The following AGPAT3 variants were observed in gnomAD, a reference collection of about 807,000 sequenced individuals.
AGPAT3 encodes 1-acylglycerol-3-phosphate O-acyltransferase 3.
In AGPAT3, 5 loss-of-function variants were observed where a neutral mutation model predicts 47.3. The observed-to-expected ratio is 0.11, with a 90% CI of 0.06 to 0.22. The LOEUF is 0.22. Among genes scored for constraint, AGPAT3 ranks in the 10% least tolerant of loss-of-function variants. The pLI is 1.00. For synonymous variants in AGPAT3, 212 were observed against 208.3 expected (o/e 1.02, Z -0.15); for missense variants, 315 against 493.0 (o/e 0.64, Z 3.42).
intron 7 of AGPAT3, among the ~76,000 whole-genome samples, chr21:43,972,946 CAACT>C (rs913314721): frequency 5.3e-5 from 8 of 152,214 alleles, no homozygotes; most frequent in Non-Finnish European, 8.8e-5. Context: ...CAACCACCAC[CAACT>C]GAGTGTGCGT....
intron 1 of AGPAT3, among the ~76,000 whole-genome samples, chr21:43,901,774 A>G (rs2086363706): frequency 1.3e-5 from 2 of 152,122 alleles, no homozygotes; most frequent in Admixed American, 1.3e-4. Context: ...GACTGTCTCA[A>G]AAAGAAAAAA....
chr21:43,927,528 G>A (rs2087097242), intron 2 of AGPAT3, among the ~76,000 whole-genome samples: 1 of 152,196 alleles, frequency 6.6e-6, no homozygotes, highest in African/African-American at 2.4e-5. Context: ...CAAGTGCTCG[G>A]CACCTCTCTG....
chr21:43,972,754 T>C (rs1053592564), intron 7 of AGPAT3, among the ~76,000 whole-genome samples: 4 of 152,206 alleles, frequency 2.6e-5, no homozygotes, highest in Non-Finnish European at 4.4e-5. Flanking sequence ...GTGACCTTGA[T>C]TCCAGCACAA....
At chr21:43,926,767 C>G (rs1249771444) in intron 2 of AGPAT3, among the ~76,000 whole-genome samples, 3 of 150,024 alleles carry the variant, frequency 2.0e-5, no homozygotes, top group Non-Finnish European at 4.4e-5. Flanking sequence ...CAAGACCAGC[C>G]TGGCCAACCT....
At chr21:43,866,801 C>G (rs145064076) in intron 1 of AGPAT3, 1 of 152,460 alleles carries the variant, frequency 6.6e-6, no homozygotes, top group African/African-American at 2.4e-5. Flanking sequence ...CATGGAGTGG[C>G]CGCCCTCTGT....
chr21:43,918,110 GTGTTA>G (rs2086794750), intron 2 of AGPAT3, among the ~76,000 whole-genome samples: 2 of 147,992 alleles, frequency 1.4e-5, no homozygotes, highest in South Asian at 2.2e-4. Context: ...TGTGGGTGTT[GTGTTA>G]TGGGTGTTGT....
At chr21:43,881,447 G>A (rs1447729051) in intron 1 of AGPAT3, among the ~76,000 whole-genome samples, 1 of 152,230 alleles carries the variant, frequency 6.6e-6, no homozygotes, top group Non-Finnish European at 1.5e-5. Context: ...AGCCTGTGCT[G>A]TCTGGGGCAG....
intron 2 of AGPAT3, among the ~76,000 whole-genome samples, chr21:43,936,591 C>T (rs974427644): frequency 6.6e-6 from 1 of 152,256 alleles, no homozygotes; most frequent in African/African-American, 2.4e-5. Flanking sequence ...AAGACCTGCT[C>T]GTGAATGAGC....
chr21:43,888,720 G>T (rs2086035685), intron 1 of AGPAT3, among the ~76,000 whole-genome samples: 1 of 152,216 alleles, frequency 6.6e-6, no homozygotes, highest in Non-Finnish European at 1.5e-5. Flanking sequence ...GCCGGGCGAG[G>T]TGCTTCACGC....
At chr21:43,887,815 C>A (rs929931428) in intron 1 of AGPAT3, among the ~76,000 whole-genome samples, 2 of 152,182 alleles carry the variant, frequency 1.3e-5, no homozygotes, top group Non-Finnish European at 2.9e-5. Flanking sequence ...CCATCACACC[C>A]ACTGACTTTT....
intron 2 of AGPAT3, among the ~76,000 whole-genome samples, chr21:43,910,426 AGTGAATTAGGTGAAGTCCTAATACAG>A (rs1364304087): frequency 3.3e-5 from 5 of 152,330 alleles, no homozygotes; most frequent in East Asian, 3.9e-4. Flanking sequence ...AATACAGTGA[AGTGAATTAGGTGAAGTCCTAATACAG>A]GTGAATTAGG....
At chr21:43,960,296 G>A (rs138239877) in intron 3 of AGPAT3, among the ~76,000 whole-genome samples, 1 of 152,304 alleles carries the variant, frequency 6.6e-6, no homozygotes, top group African/African-American at 2.4e-5. Context: ...TCAAACACAT[G>A]TGTAGCTGTG....
chr21:43,951,042 C>T (rs1166839518), intron 2 of AGPAT3, among the ~76,000 whole-genome samples: 1 of 152,220 alleles, frequency 6.6e-6, no homozygotes, highest in Non-Finnish European at 1.5e-5. Context: ...TGGACTTTCT[C>T]CTCCAGCGTC....
At chr21:43,929,551 G>A (rs377228253) in intron 2 of AGPAT3, among the ~76,000 whole-genome samples, 8 of 152,346 alleles carry the variant, frequency 5.3e-5, no homozygotes, top group East Asian at 3.9e-4. Context: ...AGACGGTGCC[G>A]CCTGCTGGCC....
intron 8 of AGPAT3, among the ~76,000 whole-genome samples, chr21:43,980,212 G>A (rs1294506414): frequency 6.7e-6 from 1 of 149,718 alleles, no homozygotes; most frequent in Non-Finnish European, 1.5e-5. Flanking sequence ...GGAGACAGAG[G>A]TTGCAGTGAG....
chr21:43,867,742 T>G (rs2085540302), intron 1 of AGPAT3: 1 of 152,258 alleles, frequency 6.6e-6, no homozygotes, highest in Admixed American at 6.5e-5. Flanking sequence ...TTTGACTGTT[T>G]CCTTTTTAAT....
chr21:43,897,868 C>T (rs1314709983), intron 1 of AGPAT3, among the ~76,000 whole-genome samples: 2 of 152,150 alleles, frequency 1.3e-5, no homozygotes, highest in African/African-American at 2.4e-5. Context: ...ATTGAGTGAG[C>T]GAGACTCCGT....
At chr21:43,866,889 G>C (rs2085519260) in intron 1 of AGPAT3, among the ~76,000 whole-genome samples, 1 of 152,250 alleles carries the variant, frequency 6.6e-6, no homozygotes, top group African/African-American at 2.4e-5. Flanking sequence ...AGACTGCTGG[G>C]TTAAAGGCAG....
At chr21:43,901,382 T>A (rs1452836319) in intron 1 of AGPAT3, among the ~76,000 whole-genome samples, 1 of 150,322 alleles carries the variant, frequency 6.7e-6, no homozygotes, top group African/African-American at 2.4e-5. Flanking sequence ...TCTATCCAGA[T>A]GATAGAGCTA....
Sources: gnomAD v4.1 joint callset for allele counts (sites outside exome capture counted in the v4.1 genomes callset) on GRCh38, gnomAD v4.1.1 for gene constraint, MANE v1.5 for transcripts, NCBI Gene and HGNC (gene_info 2026-07-23, HGNC 2026-07-21) for gene names.